The following GLRA2 variants were observed in gnomAD, a reference collection of about 807,000 sequenced individuals.
GLRA2 encodes glycine receptor alpha 2.
GLRA2 carries 11 observed loss-of-function variants against 31.6 expected under a neutral mutation model. The ratio of observed to expected loss-of-function variants is 0.35; its 90% CI spans 0.22 to 0.58. GLRA2 has a LOEUF of 0.58. Among genes scored for constraint, GLRA2 ranks in the 20% least tolerant of loss-of-function variants. The probability of loss-of-function intolerance (pLI) is 0.84; values close to 1 mark genes in which losing one functional copy is unlikely to be tolerated. For missense variants in GLRA2, 212 were observed against 351.8 expected (o/e 0.60, Z 3.18); for synonymous variants, 132 against 134.0 (o/e 0.99, Z 0.10).
At chrX:14,471,435 CTT>C in the GLRA2 span, among the ~76,000 whole-genome samples, 10 of 111,445 alleles carry the variant, frequency 9.0e-5, no homozygotes, top group Non-Finnish European at 1.9e-4. Context: ...CTTTTTTTCT[CTT>C]TGACTCAAGG....
intron 5 of GLRA2, among the ~76,000 whole-genome samples, chrX:14,604,913 T>G (rs1402119517): frequency 9.1e-6 from 1 of 110,031 alleles, no homozygotes. Context: ...ATGAGGGGCA[T>G]GAGATGAGAT....
At chrX:14,667,768 C>T (rs753304772) in intron 7 of GLRA2, among the ~76,000 whole-genome samples, 25 of 111,066 alleles carry the variant, frequency 2.3e-4, no homozygotes, top group Non-Finnish European at 4.5e-4. Context: ...AAATAAGCAA[C>T]TTATCTCCCT....
At chrX:14,578,400 T>C in intron 3 of GLRA2, among the ~76,000 whole-genome samples, 1 of 112,030 alleles carries the variant, frequency 8.9e-6, no homozygotes, top group Non-Finnish European at 1.9e-5. Context: ...GACAACACAT[T>C]TGTGTTACTC....
chrX:14,585,601 T>A (rs922685347), intron 4 of GLRA2, among the ~76,000 whole-genome samples: 2 of 111,543 alleles, frequency 1.8e-5, no homozygotes, highest in African/African-American at 6.5e-5. Context: ...AAGTTCCTGC[T>A]GACGTTCCAT....
At chrX:14,573,341 A>T (rs1415702804) in intron 2 of GLRA2, among the ~76,000 whole-genome samples, 1 of 111,756 alleles carries the variant, frequency 8.9e-6, no homozygotes, top group Admixed American at 9.5e-5. Context: ...CTCAAGCCAA[A>T]TTCCTCTTCT....
At chrX:14,464,639 C>G in the GLRA2 span, among the ~76,000 whole-genome samples, 1 of 111,937 alleles carries the variant, frequency 8.9e-6, no homozygotes, top group Non-Finnish European at 1.9e-5. Flanking sequence ...TCACTGCAAC[C>G]TCCGCCTCCC....
chrX:14,542,641 A>C (rs376176974), intron 2 of GLRA2, among the ~76,000 whole-genome samples: 4 of 109,876 alleles, frequency 3.6e-5, no homozygotes, highest in African/African-American at 9.9e-5. Flanking sequence ...AAAAAAAAAA[A>C]CCCTGTGGCA....
At chrX:14,504,430 T>A in the GLRA2 span, among the ~76,000 whole-genome samples, 1 of 111,458 alleles carries the variant, frequency 9.0e-6, no homozygotes, top group Non-Finnish European at 1.9e-5. Context: ...TTGTTTTTGT[T>A]TTTGAAAAAG....
the GLRA2 span, among the ~76,000 whole-genome samples, chrX:14,487,018 G>T: frequency 2.7e-5 from 3 of 110,207 alleles, no homozygotes; most frequent in Middle Eastern, 4.7e-3. Flanking sequence ...TCAGAGGTTT[G>T]GACAGTAGTC....
intron 7 of GLRA2, among the ~76,000 whole-genome samples, chrX:14,681,931 G>GTATATATATATATATATGTA (rs1348338618): frequency 4.6e-4 from 26 of 56,482 alleles, no homozygotes; most frequent in African/African-American, 1.5e-3. Context: ...ATATATATAT[G>GTATATATATATATATATGTA]TATATATATG....
chrX:14,711,762 C>T lies in GLRA2; in HGVS notation c.1081-18445C>T, dbSNP rs1211772582. Among the ~76,000 whole-genome samples, 4 of 112,719 alleles carry T rather than the reference C, an allele frequency of 3.5e-5. No homozygotes were observed. The Admixed American group carries it at 3.7e-4, about 11-fold the overall frequency. On this transcript the variant is annotated intron_variant, in intron 8 of 8. Coordinates refer to ENST00000218075, the MANE Select transcript of GLRA2 (RefSeq NM_002063.4). ...TAGTAAGTGACTTACCCAGTTCCCA[C>T]AATGGTTAGTGGCAGAGCCAAGATT...
the GLRA2 span, among the ~76,000 whole-genome samples, chrX:14,474,155 G>A: frequency 5.2e-3 from 580 of 111,684 alleles, 6 homozygotes; most frequent in African/African-American, 0.018. Context: ...TGTACAATCC[G>A]TTATATATTG....
At chrX:14,559,419 CTTTTTTTTTT>C (rs753470377) in intron 2 of GLRA2, among the ~76,000 whole-genome samples, 14 of 48,577 alleles carry the variant, frequency 2.9e-4, no homozygotes, top group African/African-American at 5.6e-4. Flanking sequence ...GGGGCCATTT[CTTTTTTTTTT>C]TTTTTTTTTT....
intron 7 of GLRA2, among the ~76,000 whole-genome samples, chrX:14,681,935 A>G (rs142146604): frequency 0.12 from 9,143 of 76,333 alleles, 874 homozygotes; most frequent in Non-Finnish European, 0.16. Context: ...ATATATGTAT[A>G]TATATGTGTG....
chrX:14,465,228 G>A, the GLRA2 span, among the ~76,000 whole-genome samples: 40 of 111,625 alleles, frequency 3.6e-4, no homozygotes, highest in Non-Finnish European at 6.0e-4. Context: ...AATGGGATTG[G>A]CTTCTTGATT....
chrX:14,577,985 T>C (rs2089975560), intron 3 of GLRA2, among the ~76,000 whole-genome samples: 1 of 111,760 alleles, frequency 8.9e-6, no homozygotes. Flanking sequence ...TTATGCACAG[T>C]GATGAGGTCA....
chrX:14,520,301 C>T, the GLRA2 span, among the ~76,000 whole-genome samples: 2 of 112,386 alleles, frequency 1.8e-5, no homozygotes, highest in East Asian at 5.5e-4. Flanking sequence ...AGTGCTACTG[C>T]AACAATCAAT....
intron 8 of GLRA2, among the ~76,000 whole-genome samples, chrX:14,703,032 T>C (rs1223869690): frequency 9.0e-6 from 1 of 111,458 alleles, no homozygotes; most frequent in Non-Finnish European, 1.9e-5. Context: ...CATGGGACCT[T>C]ATAAGTGCAA....
chrX:14,475,306 G>A, the GLRA2 span, among the ~76,000 whole-genome samples: 1 of 112,593 alleles, frequency 8.9e-6, no homozygotes, highest in Non-Finnish European at 1.9e-5. Flanking sequence ...AATGTTCCTT[G>A]AGGAAAGATG....
Sources: allele counts gnomAD v4.1 joint callset (sites outside exome capture counted in the v4.1 genomes callset), GRCh38; gene constraint gnomAD v4.1.1; transcripts MANE v1.5; gene names NCBI Gene and HGNC (gene_info 2026-07-23, HGNC 2026-07-21).